ABCD3: variants seen among roughly 807,000 people sequenced by gnomAD.
The protein encoded by ABCD3 is ATP-binding cassette sub-family D member 3.
Under a neutral mutation model 105.5 loss-of-function variants are expected in ABCD3, and 41 were observed. The ratio of observed to expected loss-of-function variants is 0.39; its 90% CI spans 0.30 to 0.50. The LOEUF (loss-of-function observed/expected upper bound fraction) is 0.50. ABCD3 is among the 20% of genes least tolerant of loss of function. ABCD3 has a pLI of 0.84. For synonymous variants in ABCD3, 258 were observed against 269.0 expected (o/e 0.96, Z 0.40); for missense variants, 622 against 806.3 (o/e 0.77, Z 2.77).
intron 2 of ABCD3, among the ~76,000 whole-genome samples, chr1:94,461,091 A>G (rs1647846359): frequency 6.6e-6 from 1 of 152,180 alleles, no homozygotes; most frequent in Non-Finnish European, 1.5e-5. Flanking sequence ...ATGCACACTG[A>G]TAGCACATTT....
chr1:94,433,389 G>T (rs1045117445), intron 1 of ABCD3, among the ~76,000 whole-genome samples: 2 of 151,338 alleles, frequency 1.3e-5, no homozygotes, highest in African/African-American at 4.9e-5. Context: ...CCTGACCTCA[G>T]GTGATCTGCC....
intron 1 of ABCD3, among the ~76,000 whole-genome samples, chr1:94,448,080 C>T (rs1325688564): frequency 6.6e-6 from 1 of 152,146 alleles, no homozygotes; most frequent in African/African-American, 2.4e-5. Context: ...CCAGTTTTTC[C>T]AACTCAGCAT....
intron 1 of ABCD3, among the ~76,000 whole-genome samples, chr1:94,448,756 A>G (rs1660456133): frequency 6.6e-6 from 1 of 152,210 alleles, no homozygotes; most frequent in Non-Finnish European, 1.5e-5. Context: ...TATACTAGCC[A>G]AGCTCTAGCT....
At chr1:94,503,803 T>C in intron 20 of ABCD3, among the ~76,000 whole-genome samples, 1 of 140,590 alleles carries the variant, frequency 7.1e-6, no homozygotes, top group South Asian at 2.2e-4. Flanking sequence ...CTTTTCTGAA[T>C]TTTTTTTTTT....
intron 2 of ABCD3, among the ~76,000 whole-genome samples, chr1:94,461,034 G>T (rs1227680459): frequency 6.6e-6 from 1 of 151,990 alleles, no homozygotes; most frequent in East Asian, 1.9e-4. Context: ...GTGTGAGAAA[G>T]ATAAATTTAG....
chr1:94,429,048 T>G (rs919826338), intron 1 of ABCD3, among the ~76,000 whole-genome samples: 10 of 152,244 alleles, frequency 6.6e-5, no homozygotes, highest in African/African-American at 2.4e-4. Context: ...TGAGGTAGTC[T>G]CAGATGGAGA....
In ABCD3 at chr1:94,508,402, G is replaced by A. The variant is rs552008397; in HGVS notation, c.1845+1760G>A. ...CTGTTTTGGTTACTGTAGCCTTGTA[G>A]TATGGTTTGAAGTCAGGTAGTGTGA... is the stretch of plus-strand genomic sequence containing the variant. On this transcript the variant is annotated intron_variant, in intron 21 of 22. Coordinates refer to ENST00000370214, the MANE Select transcript of ABCD3 (RefSeq NM_002858.4). Among the ~76,000 whole-genome samples, 187 of 152,210 alleles carry A rather than the reference G, an allele frequency of 1.2e-3. 4 individuals are homozygous for A. In the East Asian group the frequency reaches 0.03, roughly 24 times the overall value.
chr1:94,510,085 G>A (rs1316120183), intron 21 of ABCD3, among the ~76,000 whole-genome samples: 1 of 152,078 alleles, frequency 6.6e-6, no homozygotes. Context: ...TGATGTTAGG[G>A]TGTCAATTTT....
At chr1:94,413,202 TC>T in the ABCD3 span, among the ~76,000 whole-genome samples, 1 of 152,210 alleles carries the variant, frequency 6.6e-6, no homozygotes, top group South Asian at 2.1e-4. Flanking sequence ...TTTTATGGTA[TC>T]TTTTTTTTCC....
In ABCD3 at chr1:94,418,545, C is replaced by T. The variant is rs747232088; in HGVS notation, c.67C>T (p.Leu23Phe). 12 of 1,605,050 alleles carry T rather than the reference C, an allele frequency of 7.5e-6. 1 individual carries two copies. The Admixed American group carries it at 8.3e-5, about 11-fold the overall frequency. ...GCTGGCTGGTGCCGCGTTCCTGCTG[C>T]TCTGCCTGCTCCACAAGCGGCGCCG... ...SSLAGAAFLL[L>F]CLLHKRRRAL... Residue 23 changes from leucine (L) to phenylalanine (F), a missense_variant, in exon 1 of 23, where the codon CTC (leucine) becomes TTC (phenylalanine). Transcript: ENST00000370214.
At chr1:94,491,154 T>G in intron 15 of ABCD3, 30 bp from the exon 16 acceptor site, 1 of 1,512,612 alleles carries the variant, frequency 6.6e-7, no homozygotes, top group Non-Finnish European at 9.2e-7. Context: ...TACTTTAAAG[T>G]AATTCTCTTT....
the ABCD3 span, among the ~76,000 whole-genome samples, chr1:94,410,418 CA>C: frequency 1.3e-5 from 2 of 152,156 alleles, no homozygotes; most frequent in African/African-American, 4.8e-5. Context: ...CTTGAAATAG[CA>C]GTTTTATATT....
At chr1:94,418,373 C>A, upstream of ABCD3, 1 of 1,031,062 alleles carries the variant, frequency 9.7e-7, no homozygotes, top group Non-Finnish European at 1.4e-6. Context: ...CGGCCGGCCC[C>A]GCCCTCTGCT....
At chr1:94,452,757 G>C (rs1301649710) in intron 1 of ABCD3, among the ~76,000 whole-genome samples, 1 of 151,808 alleles carries the variant, frequency 6.6e-6, no homozygotes, top group Non-Finnish European at 1.5e-5. Context: ...TGTTTTTGGA[G>C]ACAGAGCCTT....
chr1:94,445,306 C>T (rs973259208), intron 1 of ABCD3, among the ~76,000 whole-genome samples: 2 of 152,096 alleles, frequency 1.3e-5, no homozygotes, highest in African/African-American at 2.4e-5. Context: ...GCAAGTGGCG[C>T]CCATACATGG....
rs1264852435 is a variant in ABCD3, at chr1:94,473,841, T to G, written c.405+6T>G. The G allele has an allele frequency of 6.2e-7, 1 of 1,609,668 alleles. No homozygotes were observed. The highest frequency in any genetic ancestry group is 8.5e-7 in the Non-Finnish European group (1 of 1,176,694). On this transcript the variant is annotated splice_donor_region_variant and intron_variant, in intron 5 of 22. Transcript: ENST00000370214. ...TCATCGCTGCCATGCCTCTTGTAAG[T>G]TTAATTCATTAAAAATCTTTTTAAC...
At chr1:94,399,215 C>T in the ABCD3 span, among the ~76,000 whole-genome samples, 1 of 152,148 alleles carries the variant, frequency 6.6e-6, no homozygotes, top group African/African-American at 2.4e-5. Context: ...ATAACATTTT[C>T]AAGACAGAAA....
At chr1:94,463,468 G>A (rs913790025) in intron 2 of ABCD3, among the ~76,000 whole-genome samples, 1 of 152,134 alleles carries the variant, frequency 6.6e-6, no homozygotes, top group Non-Finnish European at 1.5e-5. Context: ...TTTAATCAAA[G>A]CACATTTACA....
chr1:94,490,790 G>GGGAT (rs1649494834), intron 15 of ABCD3, among the ~76,000 whole-genome samples: 1 of 152,026 alleles, frequency 6.6e-6, no homozygotes, highest in African/African-American at 2.4e-5. Flanking sequence ...TCCCAGAAGT[G>GGGAT]GGATTGCTAG....
Sources: gnomAD v4.1 joint callset for allele counts (sites outside exome capture counted in the v4.1 genomes callset) on GRCh38, gnomAD v4.1.1 for gene constraint, MANE v1.5 for transcripts, NCBI Gene and HGNC (gene_info 2026-07-23, HGNC 2026-07-21) for gene names.